MMS22L: variants seen among roughly 807,000 people sequenced by gnomAD.
MMS22L encodes protein MMS22-like.
Under a neutral mutation model 159.1 loss-of-function variants are expected in MMS22L, and 74 were observed. That is an observed-to-expected ratio of 0.47 (90% CI 0.39 to 0.56). The LOEUF (loss-of-function observed/expected upper bound fraction) is 0.56. Among genes scored for constraint, MMS22L ranks in the 20% least tolerant of loss-of-function variants. The pLI is 0.00. For synonymous variants in MMS22L, 517 were observed against 506.9 expected, an observed-to-expected ratio of 1.02 and a Z score of -0.27; for missense variants, 1,351 against 1,422.1, an observed-to-expected ratio of 0.95 and a Z score of 0.80.
chr6:97,210,852 T>C lies in MMS22L; in HGVS notation c.2039+18042A>G, dbSNP rs189935023. Among the ~76,000 whole-genome samples, 8 of 152,114 alleles carry C rather than the reference T, an allele frequency of 5.3e-5. No homozygotes were observed. In the East Asian group the frequency reaches 1.5e-3, roughly 29 times the overall value. ...AATTCAACCTAATATATGTAATTTC[T>C]TATATTCCAGAGGCCACTTACCATC... is the stretch of plus-strand genomic sequence containing the variant. On this transcript the variant is annotated intron_variant, in intron 14 of 24. Coordinates refer to ENST00000683635, the MANE Select transcript of MMS22L (RefSeq NM_001350599.2).
intron 19 of MMS22L, among the ~76,000 whole-genome samples, chr6:97,168,539 C>T (rs1217547408): frequency 1.3e-5 from 2 of 152,014 alleles, no homozygotes; most frequent in East Asian, 3.9e-4. Context: ...GCTCCAAAAT[C>T]CAAAAGTTTG....
chr6:97,234,019 T>C (rs571087724), intron 11 of MMS22L, 39 bp from the exon 12 acceptor site: 5 of 1,583,544 alleles, frequency 3.2e-6, no homozygotes, highest in Non-Finnish European at 4.3e-6. Context: ...GTAAATGGGC[T>C]CTGGCAATAT....
chr6:97,255,055 T>C (rs938429750), intron 9 of MMS22L, among the ~76,000 whole-genome samples: 6 of 150,178 alleles, frequency 4.0e-5, no homozygotes, highest in Non-Finnish European at 5.9e-5. Context: ...CTGTATTTTG[T>C]TTTTTTTAAA....
chr6:97,168,041 TA>T, intron 20 of MMS22L, 29 bp downstream of exon 20: 1 of 1,522,212 alleles, frequency 6.6e-7, no homozygotes, highest in East Asian at 2.3e-5. Context: ...ATTTTTTTTT[TA>T]AACTTTTAAG....
chr6:97,192,608 G>A (rs541758274), intron 14 of MMS22L, among the ~76,000 whole-genome samples: 1 of 152,198 alleles, frequency 6.6e-6, no homozygotes, highest in African/African-American at 2.4e-5. Context: ...AGAGGCATTC[G>A]AACATCACTA....
chr6:97,178,464 T>C lies in MMS22L; in HGVS notation c.2658A>G (p.Lys886=), dbSNP rs1804344592. The change falls in exon 18 of 25, where the codon AAA becomes AAG. Residue 886 remains lysine, a synonymous_variant. Transcript: ENST00000683635. ...ATACCTCAAAGAATCGAACAAGTGCTTTTTTAGGGTCTTCTGAGATGGATA... is the reference window on the plus strand; with the variant it reads ...ATACCTCAAAGAATCGAACAAGTGCCTTTTTAGGGTCTTCTGAGATGGATA... ...EYLSISEDPK[K]ALVRFFEAVG... is the part of the protein sequence containing the mutation. The C allele has an allele frequency of 1.3e-6, 2 of 1,558,672 alleles. No individual in the cohort carries two copies. The highest frequency in any genetic ancestry group is 1.7e-6 in the Non-Finnish European group (2 of 1,153,618).
chr6:97,184,981 A>C (rs1420987213), intron 15 of MMS22L, among the ~76,000 whole-genome samples: 4 of 152,094 alleles, frequency 2.6e-5, no homozygotes, highest in Non-Finnish European at 5.9e-5. Flanking sequence ...ATTCCACATG[A>C]GCCTTTGCTG....
chr6:97,280,358 G>T (rs550822239), intron 3 of MMS22L, among the ~76,000 whole-genome samples: 9 of 151,680 alleles, frequency 5.9e-5, no homozygotes, highest in Admixed American at 3.3e-4. Flanking sequence ...TTTTGAGACA[G>T]AGTCTCGCTC....
At chr6:97,259,805 C>T (rs965671789) in intron 9 of MMS22L, 7 of 152,018 alleles carry the variant, frequency 4.6e-5, no homozygotes, top group Admixed American at 2.0e-4. Flanking sequence ...TGTTCAACTA[C>T]TCTTTTATAT....
chr6:97,175,198 C>T (rs1803997328), intron 18 of MMS22L, among the ~76,000 whole-genome samples: 1 of 152,044 alleles, frequency 6.6e-6, no homozygotes, highest in Non-Finnish European at 1.5e-5. Flanking sequence ...ATTTCCCAAA[C>T]AAAAAACAAA....
intron 14 of MMS22L, among the ~76,000 whole-genome samples, chr6:97,223,615 T>A (rs1380146912): frequency 6.6e-6 from 1 of 152,164 alleles, no homozygotes; most frequent in Non-Finnish European, 1.5e-5. Flanking sequence ...TACATCTCCA[T>A]AACTGAATAC....
chr6:97,173,943 G>A (rs1472516823), intron 18 of MMS22L, among the ~76,000 whole-genome samples: 5 of 151,426 alleles, frequency 3.3e-5, no homozygotes, highest in African/African-American at 1.2e-4. Flanking sequence ...GACTGGCTAA[G>A]AGATGGATTA....
chr6:97,249,882 T>C (rs1261508211), intron 10 of MMS22L, among the ~76,000 whole-genome samples: 2 of 152,138 alleles, frequency 1.3e-5, no homozygotes, highest in Non-Finnish European at 2.9e-5. Context: ...TATAACTGGA[T>C]AGTGTTGAGT....
chr6:97,243,938 G>A lies in MMS22L; in HGVS notation c.1182+2690C>T, dbSNP rs1812356607. Among the ~76,000 whole-genome samples the A allele has an allele frequency of 2.6e-5, 4 of 152,136 alleles. No homozygotes were observed. The South Asian group carries it at 8.3e-4, about 32-fold the overall frequency. The stretch of plus-strand genomic sequence containing the variant: ...TGATCTATCTTCAGGTCTCTCAGCC[G>A]TGGATACCACCACCTGCTCTGGTGG... On this transcript the variant is annotated intron_variant, in intron 11 of 24. Coordinates refer to ENST00000683635, the MANE Select transcript of MMS22L (RefSeq NM_001350599.2).
intron 14 of MMS22L, among the ~76,000 whole-genome samples, chr6:97,188,514 C>G (rs1489951131): frequency 6.6e-6 from 1 of 152,148 alleles, no homozygotes; most frequent in Non-Finnish European, 1.5e-5. Context: ...AGTAGGAAAG[C>G]TAAATATGCC....
intron 8 of MMS22L, chr6:97,264,956 T>A (rs1814928400): frequency 1.3e-5 from 2 of 152,162 alleles, no homozygotes; most frequent in African/African-American, 4.8e-5. Flanking sequence ...ATTGTTAAAA[T>A]GTCCATACTA....
intron 11 of MMS22L, among the ~76,000 whole-genome samples, chr6:97,238,572 C>CATGTGTGTGTGTGT (rs1052667059): frequency 3.4e-3 from 309 of 91,534 alleles, no homozygotes; most frequent in African/African-American, 0.01. Context: ...TGTCTCATCT[C>CATGTGTGTGTGTGT]GTGTGTGTGT....
At chr6:97,283,838 C>G (rs779096571), upstream of MMS22L, among the ~76,000 whole-genome samples, 1 of 152,076 alleles carries the variant, frequency 6.6e-6, no homozygotes, top group African/African-American at 2.4e-5. Context: ...AGATTTAAAT[C>G]GTACAAAGTG....
chr6:97,213,544 C>A (rs1808627801), intron 14 of MMS22L, among the ~76,000 whole-genome samples: 1 of 152,088 alleles, frequency 6.6e-6, no homozygotes, highest in Admixed American at 6.6e-5. Flanking sequence ...AAATATTCTC[C>A]AAAGTGTTCA....
Sources: gnomAD v4.1 joint callset for allele counts (sites outside exome capture counted in the v4.1 genomes callset) on GRCh38, gnomAD v4.1.1 for gene constraint, MANE v1.5 for transcripts, NCBI Gene and HGNC (gene_info 2026-07-23, HGNC 2026-07-21) for gene names.